PCDHA5: variants seen among roughly 807,000 people sequenced by gnomAD.
The protein encoded by PCDHA5 is protocadherin alpha-5.
A neutral mutation model predicts 61.6 loss-of-function variants in PCDHA5; 43 were observed. The observed-to-expected ratio is 0.70, with a 90% CI of 0.55 to 0.90. The LOEUF (loss-of-function observed/expected upper bound fraction) is 0.90. Ranked by LOEUF, PCDHA5 falls within the 40% of genes least tolerant of loss-of-function variation. The pLI, the probability that PCDHA5 is intolerant of heterozygous loss-of-function variation, is 0.00. For synonymous variants in PCDHA5, 627 were observed against 543.9 expected (o/e 1.15, Z -2.13); for missense variants, 1,298 against 1,222.7 (o/e 1.06, Z -0.92).
chr5:140,981,498 T>C (rs1299157295), intron 2 of PCDHA5, among the ~76,000 whole-genome samples: 1 of 152,146 alleles, frequency 6.6e-6, no homozygotes, highest in African/African-American at 2.4e-5. Context: ...TGCTTGAACC[T>C]GGGAGGCAGA....
At chr5:140,954,938 GT>G (rs2095112203) in intron 1 of PCDHA5, among the ~76,000 whole-genome samples, 1 of 152,078 alleles carries the variant, frequency 6.6e-6, no homozygotes, top group Admixed American at 6.6e-5. Flanking sequence ...TTAATCTTGA[GT>G]TAATTTTTGT....
At chr5:140,826,023 T>C (rs1768791040) in intron 1 of PCDHA5, among the ~76,000 whole-genome samples, 1 of 152,228 alleles carries the variant, frequency 6.6e-6, no homozygotes, top group South Asian at 2.1e-4. Flanking sequence ...TGATAAAATG[T>C]GAATTCCCTA....
chr5:140,886,097 A>G (rs1341108712), intron 1 of PCDHA5, among the ~76,000 whole-genome samples: 1 of 152,214 alleles, frequency 6.6e-6, no homozygotes, highest in Non-Finnish European at 1.5e-5. Context: ...ATTGACATTG[A>G]TACAGTAAAG....
rs1333362831 is a variant in PCDHA5 at position 140,976,454 on chromosome 5, GGAA to G, written c.2353-2488_2353-2486del. Among the ~76,000 whole-genome samples, 4 of 152,214 alleles carry G rather than the reference GGAA, an allele frequency of 2.6e-5. No individual in the cohort carries two copies. The East Asian group carries it at 7.7e-4, about 29-fold the overall frequency. On this transcript the variant is annotated intron_variant, in intron 1 of 3. Transcript: ENST00000529859. Reference sequence around the variant, plus strand: ...TAATCCCAGCTACTAGGGAGGCTGGGGAAGAAGAATTGCTTGAATCCGGGAGGC... The same window carrying G: ...TAATCCCAGCTACTAGGGAGGCTGGGGAAGAATTGCTTGAATCCGGGAGGC...
intron 1 of PCDHA5, among the ~76,000 whole-genome samples, chr5:140,901,300 C>T (rs189786790): frequency 3.3e-5 from 5 of 152,176 alleles, no homozygotes; most frequent in African/African-American, 9.6e-5. Flanking sequence ...ACTGATGTTC[C>T]GGAGAGTTTC....
intron 1 of PCDHA5, among the ~76,000 whole-genome samples, chr5:140,940,100 C>T (rs536415343): frequency 6.6e-6 from 1 of 152,094 alleles, no homozygotes; most frequent in South Asian, 2.1e-4. Flanking sequence ...AAACTTTTAG[C>T]GTTATGTATT....
rs2150473414 is a variant in PCDHA5 at position 140,850,210 on chromosome 5, G to A, written c.2352+26083G>A. 67 of 1,593,594 alleles carry A rather than the reference G, an allele frequency of 4.2e-5. No individual in the cohort carries two copies. In the East Asian group the frequency reaches 1.2e-3, roughly 28 times the overall value. ...GCGCTGCTGACACCTCGGATGAGGG[G>A]CACTGACGGCGCAGTGAGCGAGATG... is the stretch of plus-strand genomic sequence containing the variant. On this transcript the variant is annotated intron_variant, in intron 1 of 3. Coordinates refer to ENST00000529859, the MANE Select transcript of PCDHA5 (RefSeq NM_018908.3).
intron 1 of PCDHA5, among the ~76,000 whole-genome samples, chr5:140,892,977 G>A (rs188368199): frequency 1.8e-4 from 27 of 152,270 alleles, no homozygotes; most frequent in Admixed American, 6.5e-4. Flanking sequence ...TTTTGTAGCT[G>A]CCGTATAAGT....
rs1554217734 is a variant in PCDHA5, at chr5:140,946,611, A to AATATATATATATATAT, written c.2353-32332_2353-32317dup. Among the ~76,000 whole-genome samples, 269 of 86,770 alleles carry AATATATATATATATAT rather than the reference A, an allele frequency of 3.1e-3. 3 individuals carry two copies. The highest frequency in any genetic ancestry group is 0.011 in the Middle Eastern group (2 of 186). 56.9% of individuals were successfully genotyped at this position (86,770 alleles called of 152,430 possible). A position where few individuals can be genotyped will look rare whatever the true frequency, so the allele number is the denominator to read the frequency against. On this transcript the variant is annotated intron_variant, in intron 1 of 3. Coordinates refer to ENST00000529859, the MANE Select transcript of PCDHA5 (RefSeq NM_018908.3). ...GGATGAATAGATAAAGAAAATGTGAAATATATATATATATATATATACAAT... is the reference window on the plus strand; with the variant it reads ...GGATGAATAGATAAAGAAAATGTGAAATATATATATATATATATATATATATATATATATATACAAT...
chr5:140,871,657 T>A, intron 1 of PCDHA5: 1 of 1,228,196 alleles, frequency 8.1e-7, no homozygotes, highest in Non-Finnish European at 1.1e-6. Context: ...ATGATACACA[T>A]CTTCAGTCTT....
At chr5:140,877,403 G>A (rs199806507) in intron 1 of PCDHA5, 243 of 1,613,770 alleles carry the variant, frequency 1.5e-4, no homozygotes, top group Non-Finnish European at 1.9e-4. Flanking sequence ...GACGCTCCGC[G>A]CCACCGCCTG....
At chr5:140,947,769 A>T (rs2094173274) in intron 1 of PCDHA5, among the ~76,000 whole-genome samples, 1 of 151,626 alleles carries the variant, frequency 6.6e-6, no homozygotes, top group Non-Finnish European at 1.5e-5. Context: ...AAAAAATTCT[A>T]TTGTAAATGG....
chr5:140,866,646 A>G (rs2049474250), intron 1 of PCDHA5: 1 of 152,112 alleles, frequency 6.6e-6, no homozygotes, highest in Admixed American at 6.5e-5. Context: ...GTCAAAATTT[A>G]TTTATGTGTT....
At chr5:140,857,475 T>C in intron 1 of PCDHA5, 2 of 1,598,608 alleles carry the variant, frequency 1.3e-6, no homozygotes, top group Non-Finnish European at 1.7e-6. Flanking sequence ...ATCTTCACGG[T>C]GTCTGCGTGG....
rs147995655 is a variant in PCDHA5, at chr5:140,849,740, C to G, written c.2352+25613C>G. 79 of 1,598,306 alleles carry G rather than the reference C, an allele frequency of 4.9e-5. 7 individuals are homozygous for G. In the African/African-American group the frequency reaches 8.5e-4, roughly 17 times the overall value. On this transcript the variant is annotated intron_variant, in intron 1 of 3. Transcript: ENST00000529859. ...TGGTGCTGGACAGAGCTCTGGACCG[C>G]GAGAGTGTGTCCGCCTACGAGCTGG...
chr5:140,849,832 C>A lies in PCDHA5; in HGVS notation c.2352+25705C>A, dbSNP rs145333813. On this transcript the variant is annotated intron_variant, in intron 1 of 3. Coordinates refer to ENST00000529859, the MANE Select transcript of PCDHA5 (RefSeq NM_018908.3). ...ACGGCCAGGGTGTCTGTGGAGGTGG[C>A]CGACGTGAACGACAACGCACCAGCG... 3.2e-4 allele frequency: 518 copies of A among 1,598,398 alleles called. 39 individuals carry two copies. In the African/African-American group the frequency reaches 4.3e-3, roughly 13 times the overall value.
chr5:140,846,023 G>A lies in PCDHA5; in HGVS notation c.2352+21896G>A, dbSNP rs190415681. Among the ~76,000 whole-genome samples, 29 of 149,662 alleles carry A rather than the reference G, an allele frequency of 1.9e-4. No homozygotes were observed. The East Asian group carries it at 5.2e-3, about 27-fold the overall frequency. ...ATGAAAAAAATCTAAAAGTTATTACGAGTTTAGGAAAGTCAAGTTAACACC... is the reference window on the plus strand; with the variant it reads ...ATGAAAAAAATCTAAAAGTTATTACAAGTTTAGGAAAGTCAAGTTAACACC... On this transcript the variant is annotated intron_variant, in intron 1 of 3. Transcript: ENST00000529859.
chr5:140,979,414 T>C (rs1410205907), intron 2 of PCDHA5, among the ~76,000 whole-genome samples: 1 of 152,242 alleles, frequency 6.6e-6, no homozygotes, highest in African/African-American at 2.4e-5. Flanking sequence ...CCTTGTTTTT[T>C]TTTTAATCTC....
In PCDHA5 at chr5:140,980,214, C is replaced by T. The variant is rs2096880494; in HGVS notation, c.2411+1207C>T. 2.0e-5 allele frequency among the ~76,000 whole-genome samples: 3 copies of T among 152,212 alleles called. No homozygotes were observed. The South Asian group carries it at 6.2e-4, about 31-fold the overall frequency. The stretch of plus-strand genomic sequence containing the variant: ...ATTAGAGACCAACTTGTGCTTTTGC[C>T]TGCATCTGAGCTGTTGGTGGAGACA... On this transcript the variant is annotated intron_variant, in intron 2 of 3. Transcript: ENST00000529859.
Sources: allele counts gnomAD v4.1 joint callset (sites outside exome capture counted in the v4.1 genomes callset), GRCh38; gene constraint gnomAD v4.1.1; transcripts MANE v1.5; gene names NCBI Gene and HGNC (gene_info 2026-07-23, HGNC 2026-07-21).